MAGI1: variants seen among roughly 807,000 people sequenced by gnomAD.
The protein encoded by MAGI1 is membrane associated guanylate kinase, WW and PDZ domain containing 1.
Under a neutral mutation model 139.9 loss-of-function variants are expected in MAGI1, and 58 were observed. The observed-to-expected ratio is 0.41, with a 90% CI of 0.34 to 0.52. The LOEUF is 0.52. MAGI1 is among the 20% of genes least tolerant of loss of function. The probability of loss-of-function intolerance (pLI) is 0.12; values close to 1 mark genes in which losing one functional copy is unlikely to be tolerated. For missense variants in MAGI1, 1,874 were observed against 1,901.6 expected (o/e 0.99, Z 0.27); for synonymous variants, 812 against 737.9 (o/e 1.10, Z -1.63).
At chr3:65,555,994 T>C (rs1258831133) in intron 2 of MAGI1, among the ~76,000 whole-genome samples, 1 of 152,234 alleles carries the variant, frequency 6.6e-6, no homozygotes, top group Non-Finnish European at 1.5e-5. Context: ...GTTATAATTT[T>C]ATGACACGTT....
intron 1 of MAGI1, among the ~76,000 whole-genome samples, chr3:65,633,567 T>C (rs950181794): frequency 2.0e-5 from 3 of 152,186 alleles, no homozygotes; most frequent in Non-Finnish European, 4.4e-5. Flanking sequence ...TCTTGGTGAA[T>C]CTTTTTATTA....
chr3:65,529,120 T>A (rs1458833189), intron 2 of MAGI1, among the ~76,000 whole-genome samples: 1 of 116,466 alleles, frequency 8.6e-6, no homozygotes, highest in Non-Finnish European at 1.7e-5. Flanking sequence ...GTAAATATTC[T>A]TTTTTTAAAA....
At chr3:65,970,348 G>A (rs927407295) in intron 1 of MAGI1, among the ~76,000 whole-genome samples, 1 of 152,040 alleles carries the variant, frequency 6.6e-6, no homozygotes, top group African/African-American at 2.4e-5. Context: ...ACCAGGAAGT[G>A]GGGACTTAAT....
At chr3:65,528,000 T>G (rs540933072) in intron 2 of MAGI1, among the ~76,000 whole-genome samples, 1 of 152,154 alleles carries the variant, frequency 6.6e-6, no homozygotes, top group Non-Finnish European at 1.5e-5. Context: ...AGTACTGATC[T>G]TCACATAAAA....
chr3:65,356,757 A>G lies in MAGI1; in HGVS notation c.4010T>C (p.Leu1337Ser), dbSNP rs142406539. Residue 1337 changes from leucine (L) to serine (S), a missense_variant, in exon 23 of 23, where the codon TTG (leucine) becomes TCG (serine). By Grantham distance (145) the Leu-to-Ser change is moderately radical. Around this residue, in one of 5 missense-constraint regions of MAGI1, gnomAD observed 653 missense variants for 644.5 expected, o/e 1.01. Transcript: ENST00000402939. Reference sequence around the variant, plus strand: ...CTTCTCGTGCTTCTCCCTCCTCTCCAAAGTGTTGTCGGCGCTGCGGGTGCC... The same window carrying G: ...CTTCTCGTGCTTCTCCCTCCTCTCCGAAGTGTTGTCGGCGCTGCGGGTGCC... ...REGTRSADNT[L>S]ERREKHEKRR... 8.7e-6 allele frequency: 14 copies of G among 1,601,892 alleles called. No homozygotes were observed. The Middle Eastern group carries it at 5.0e-4, about 57-fold the overall frequency.
chr3:65,955,997 C>G, intron 1 of MAGI1, among the ~76,000 whole-genome samples: 1 of 152,058 alleles, frequency 6.6e-6, no homozygotes, highest in Admixed American at 6.6e-5. Flanking sequence ...CAGGGCAGCC[C>G]TGGGCCGAAG....
intron 2 of MAGI1, among the ~76,000 whole-genome samples, chr3:65,525,717 ACTTAC>A (rs1559637522): frequency 2.0e-5 from 3 of 152,216 alleles, no homozygotes; most frequent in Non-Finnish European, 4.4e-5. Context: ...GAACAAAACA[ACTTAC>A]CTTGTCAATA....
At position 65,846,976 on chromosome 3, in the gene MAGI1, C is replaced by CAAAAAAAAAAAA. The variant is rs58391331; in HGVS notation, c.313+191008_313+191019dup. Among the ~76,000 whole-genome samples the CAAAAAAAAAAAA allele has an allele frequency of 3.2e-3, 262 of 80,926 alleles. 12 individuals carry two copies. The highest frequency in any genetic ancestry group is 0.011 in the African/African-American group (223 of 20,238). 53.1% of individuals were successfully genotyped at this position (80,926 alleles called of 152,430 possible). On this transcript the variant is annotated intron_variant, in intron 1 of 22. Transcript: ENST00000402939. ...GATTACAAAGAATAGCAATGTCTTA[C>CAAAAAAAAAAAA]AAAAAAAAAAAAAAAAAAAACCCTA...
At chr3:65,717,865 C>T (rs540661198) in intron 1 of MAGI1, among the ~76,000 whole-genome samples, 1 of 152,246 alleles carries the variant, frequency 6.6e-6, no homozygotes, top group East Asian at 1.9e-4. Context: ...TCCCCTAGGG[C>T]CAAAAGTGCT....
chr3:65,647,356 G>C (rs2085323820), intron 1 of MAGI1, among the ~76,000 whole-genome samples: 1 of 152,060 alleles, frequency 6.6e-6, no homozygotes, highest in African/African-American at 2.4e-5. Context: ...GCAAATTGAA[G>C]AGAAAACAAG....
chr3:65,479,338 C>T lies in MAGI1; in HGVS notation c.551-540G>A, dbSNP rs919832103. Among the ~76,000 whole-genome samples, 5 of 152,134 alleles carry T rather than the reference C, an allele frequency of 3.3e-5. No homozygotes were observed. The South Asian group carries it at 6.2e-4, about 19-fold the overall frequency. ...GGCAGGCTTGACTCTCAGAGTCATG[C>T]GGGGTAGGAAAAAACCCTTGCCAAG... On this transcript the variant is annotated intron_variant, in intron 3 of 22. Coordinates refer to ENST00000402939, the MANE Select transcript of MAGI1 (RefSeq NM_001033057.2).
At chr3:66,024,068 T>C (rs1003211591) in intron 1 of MAGI1, among the ~76,000 whole-genome samples, 18 of 152,206 alleles carry the variant, frequency 1.2e-4, no homozygotes, top group African/African-American at 3.6e-4. Context: ...TCAACACACA[T>C]TTCCTGACCC....
intron 13 of MAGI1, among the ~76,000 whole-genome samples, chr3:65,397,301 C>A (rs1168114623): frequency 1.3e-5 from 2 of 152,138 alleles, no homozygotes; most frequent in Non-Finnish European, 2.9e-5. Flanking sequence ...AGGAGTCTCT[C>A]CCTCACATCT....
chr3:65,373,723 T>C (rs1334505058), intron 18 of MAGI1, among the ~76,000 whole-genome samples: 1 of 152,210 alleles, frequency 6.6e-6, no homozygotes, highest in Non-Finnish European at 1.5e-5. Flanking sequence ...GTGACCACTT[T>C]CCTAAATTGT....
chr3:65,993,199 C>A (rs1242005771), intron 1 of MAGI1, among the ~76,000 whole-genome samples: 1 of 152,176 alleles, frequency 6.6e-6, no homozygotes, highest in African/African-American at 2.4e-5. Context: ...GCCATCACAG[C>A]AGGCCACATG....
At chr3:65,407,091 A>T (rs1051578220) in intron 12 of MAGI1, among the ~76,000 whole-genome samples, 5 of 152,188 alleles carry the variant, frequency 3.3e-5, no homozygotes, top group Non-Finnish European at 7.3e-5. Flanking sequence ...TTAAGGAAAT[A>T]ATCAGTCTTG....
At chr3:65,939,091 A>T (rs1214984715) in intron 1 of MAGI1, among the ~76,000 whole-genome samples, 2 of 152,208 alleles carry the variant, frequency 1.3e-5, no homozygotes, top group African/African-American at 2.4e-5. Flanking sequence ...AAAAAGAAAA[A>T]CACATAAACT....
intron 2 of MAGI1, among the ~76,000 whole-genome samples, chr3:65,573,006 T>TA (rs894791953): frequency 2.6e-5 from 4 of 151,912 alleles, no homozygotes; most frequent in African/African-American, 7.2e-5. Context: ...TTTTGACAAG[T>TA]AAAAAAAATG....
At chr3:65,458,587 C>A (rs2107524238) in intron 5 of MAGI1, among the ~76,000 whole-genome samples, 1 of 152,220 alleles carries the variant, frequency 6.6e-6, no homozygotes, top group East Asian at 1.9e-4. Flanking sequence ...TTTCACATAT[C>A]TGTCTGCCAT....
Sources: gnomAD v4.1 joint callset for allele counts (sites outside exome capture counted in the v4.1 genomes callset) on GRCh38, gnomAD v4.1.1 for gene constraint, gnomAD v4.1.1 regional missense constraint, MANE v1.5 for transcripts, NCBI Gene and HGNC (gene_info 2026-07-23, HGNC 2026-07-21) for gene names.